The following HOOK3 variants were observed in gnomAD, a reference collection of about 807,000 sequenced individuals.
The protein encoded by HOOK3 is hook microtubule tethering protein 3.
Under a neutral mutation model 116.3 loss-of-function variants are expected in HOOK3, and 24 were observed. The observed-to-expected ratio is 0.21, with a 90% CI of 0.15 to 0.29. HOOK3 has a LOEUF of 0.29. Ranked by LOEUF, HOOK3 falls within the 10% of genes least tolerant of loss-of-function variation. HOOK3 has a pLI of 1.00. For missense variants in HOOK3, 632 were observed against 830.2 expected, an observed-to-expected ratio of 0.76 and a Z score of 2.93; for synonymous variants, 275 against 283.0, an observed-to-expected ratio of 0.97 and a Z score of 0.28.
intron 15 of HOOK3, among the ~76,000 whole-genome samples, chr8:42,989,607 A>G (rs1444047290): frequency 6.6e-6 from 1 of 152,196 alleles, no homozygotes; most frequent in Non-Finnish European, 1.5e-5. Context: ...GTTACGAACA[A>G]TCCCATTATA....
chr8:42,899,478 G>A (rs1245998369), intron 1 of HOOK3, among the ~76,000 whole-genome samples: 2 of 152,152 alleles, frequency 1.3e-5, no homozygotes, highest in African/African-American at 4.8e-5. Flanking sequence ...TAAATGCTGG[G>A]TTTGTTCTCT....
intron 6 of HOOK3, among the ~76,000 whole-genome samples, chr8:42,954,729 T>C (rs1189959815): frequency 6.6e-6 from 1 of 152,200 alleles, no homozygotes; most frequent in East Asian, 1.9e-4. Flanking sequence ...AAGATAGACA[T>C]GGTCTCTTTC....
chr8:42,908,736 T>G (rs1410500507), intron 2 of HOOK3, among the ~76,000 whole-genome samples: 1 of 152,214 alleles, frequency 6.6e-6, no homozygotes, highest in Non-Finnish European at 1.5e-5. Flanking sequence ...GGGGAGAGCT[T>G]CTTGTTATTG....
At position 42,974,080 on chromosome 8, in the gene HOOK3, AC is replaced by A. The variant is rs544432279; in HGVS notation, c.1234-24del. The A allele has an allele frequency of 6.5e-4, 988 of 1,530,190 alleles. 14 individuals carry two copies. The South Asian group carries it at 0.011, about 16-fold the overall frequency. The allele number at this position is 1,530,190 out of a possible 1,614,324, so 94.8% of individuals were successfully genotyped here. ...AATAAATTCTTAAAACGTGAAGCTA[AC>A]CCTCCATGTTTTTGTGTCTCTCCAG... On this transcript the variant is annotated intron_variant, in intron 12 of 21. Transcript: ENST00000307602.
chr8:43,013,465 C>A, intron 21 of HOOK3, 65 bp downstream of exon 21: 4 of 1,272,598 alleles, frequency 3.1e-6, no homozygotes, highest in South Asian at 1.6e-5. Flanking sequence ...TATTATATTC[C>A]CTTTACTGTA....
Position 42,973,315 on chromosome 8 carries a change from C to T in HOOK3, c.1149C>T (p.Ser383=), listed in dbSNP as rs374489492. ...TAGTAGAACTACAAAACAGATTATC[C>T]GAAGAATCAAAGAAAGCAGATAAAC... The part of the protein sequence containing the change: ...RQVVELQNRL[S]EESKKADKLD... The change falls in exon 12 of 22, where the codon TCC becomes TCT. Residue 383 remains serine (S), a synonymous_variant. Transcript: ENST00000307602. The T allele has an allele frequency of 9.9e-6, 16 of 1,610,262 alleles. No individual in the cohort carries two copies. The highest frequency in any genetic ancestry group is 2.2e-5 in the East Asian group (1 of 44,710).
intron 11 of HOOK3, 76 bp from the exon 12 acceptor site, chr8:42,973,213 T>G (rs1200217258): frequency 3.4e-6 from 5 of 1,491,868 alleles, no homozygotes; most frequent in Non-Finnish European, 3.6e-6. Context: ...TTGGTTTTCT[T>G]AAACCTGTAG....
intron 16 of HOOK3, chr8:42,997,996 T>A (rs1809312355): frequency 4.1e-6 from 1 of 242,904 alleles, no homozygotes; most frequent in African/African-American, 2.3e-5. Flanking sequence ...CAAGTAGAAA[T>A]TTTTAATGTA....
chr8:42,939,034 T>TAAAAAAAAA (rs1808035187), intron 4 of HOOK3, among the ~76,000 whole-genome samples: 1 of 152,040 alleles, frequency 6.6e-6, no homozygotes, highest in South Asian at 2.1e-4. Flanking sequence ...GGGTTGGGGG[T>TAAAAAAAAA]AAGGTCACAG....
chr8:43,025,400 A>G lies in HOOK3; in HGVS notation c.*6902A>G, dbSNP rs1420680553. On this transcript the variant is annotated 3_prime_UTR_variant, in exon 22 of 22. Coordinates refer to ENST00000307602, the MANE Select transcript of HOOK3 (RefSeq NM_032410.4). ...GATCATTGGGATAAGAAATAGCCTAATTATAAACAAATATGCAGGCAGAGG... is the reference window on the plus strand; with the variant it reads ...GATCATTGGGATAAGAAATAGCCTAGTTATAAACAAATATGCAGGCAGAGG... The G allele has an allele frequency of 4.7e-6, 1 of 214,046 alleles. No homozygotes were observed. The highest frequency in any genetic ancestry group is 2.3e-5 in the African/African-American group (1 of 44,282). 13.3% of individuals were successfully genotyped at this position (214,046 alleles called of 1,614,324 possible).
chr8:42,994,478 A>T lies in HOOK3; in HGVS notation c.1533-3072A>T, dbSNP rs183732140. ...TCCCTCTTACTACGGCTTTTGCTGT[A>T]TCCCATAGATTTCGGTATGTTGTGT... On this transcript the variant is annotated intron_variant, in intron 15 of 21. Coordinates refer to ENST00000307602, the MANE Select transcript of HOOK3 (RefSeq NM_032410.4). The T allele has an allele frequency of 9.9e-4, 385 of 389,342 alleles. 2 individuals carry two copies. The highest frequency in any genetic ancestry group is 7.9e-3 in the African/African-American group (369 of 46,910). The allele number at this position is 389,342 out of a possible 1,614,324, so 24.1% of individuals were successfully genotyped here. A position where few individuals can be genotyped will look rare whatever the true frequency, so the allele number is the denominator to read the frequency against.
chr8:42,898,738 C>T (rs529984419), intron 1 of HOOK3, among the ~76,000 whole-genome samples: 27 of 152,286 alleles, frequency 1.8e-4, no homozygotes, highest in African/African-American at 6.5e-4. Flanking sequence ...AAGAGGTGTA[C>T]AGAGGCTCCT....
At chr8:42,935,813 G>A (rs1317114476) in intron 4 of HOOK3, among the ~76,000 whole-genome samples, 1 of 152,200 alleles carries the variant, frequency 6.6e-6, no homozygotes, top group East Asian at 1.9e-4. Flanking sequence ...ATAGTTTGAA[G>A]TCAGGTATTG....
At chr8:42,943,097 G>A (rs757176519) in intron 4 of HOOK3, among the ~76,000 whole-genome samples, 4 of 151,230 alleles carry the variant, frequency 2.6e-5, no homozygotes, top group Admixed American at 6.6e-5. Context: ...TTTGCTCGAT[G>A]TACATGCCAC....
intron 4 of HOOK3, among the ~76,000 whole-genome samples, chr8:42,939,730 G>C (rs1272046102): frequency 6.6e-6 from 1 of 150,658 alleles, no homozygotes; most frequent in African/African-American, 2.5e-5. Context: ...CTCAGACGGG[G>C]CGGCTGCCGG....
chr8:42,983,126 A>G (rs1224133515), intron 14 of HOOK3, among the ~76,000 whole-genome samples: 2 of 152,098 alleles, frequency 1.3e-5, no homozygotes, highest in Non-Finnish European at 2.9e-5. Flanking sequence ...CAAGGTCAGG[A>G]GATCGAGACC....
intron 2 of HOOK3, among the ~76,000 whole-genome samples, chr8:42,911,180 G>A (rs530414241): frequency 2.6e-5 from 4 of 152,200 alleles, no homozygotes; most frequent in Admixed American, 6.5e-5. Flanking sequence ...GGTCGGGTGC[G>A]GTGGCTCACG....
intron 1 of HOOK3, among the ~76,000 whole-genome samples, chr8:42,904,513 G>C (rs1052647542): frequency 3.3e-5 from 5 of 151,962 alleles, no homozygotes; most frequent in Middle Eastern, 3.4e-3. Context: ...GGATTTCACT[G>C]TGTTAGTCAG....
At position 43,030,362 on chromosome 8, in the gene HOOK3, TATTA is replaced by T. The variant is rs1810008641; in HGVS notation, c.*11869_*11872del. 1 of 181,304 alleles carries T rather than the reference TATTA, an allele frequency of 5.5e-6. No homozygotes were observed. Among genetic ancestry groups the T allele is most frequent in the Non-Finnish European group, 1.2e-5 (1 of 84,922 alleles). The allele number at this position is 181,304 out of a possible 1,614,324, so 11.2% of individuals were successfully genotyped here. On this transcript the variant is annotated 3_prime_UTR_variant, in exon 22 of 22. Transcript: ENST00000307602. Reference sequence around the variant, plus strand: ...TTTTACGACTGCCAACTTGTTACGGTATTAATTATATGTATGTGTTTATATGTAT... The same window carrying T: ...TTTTACGACTGCCAACTTGTTACGGTATTATATGTATGTGTTTATATGTAT...
Sources: gnomAD v4.1 joint callset for allele counts (sites outside exome capture counted in the v4.1 genomes callset) on GRCh38, gnomAD v4.1.1 for gene constraint, MANE v1.5 for transcripts, NCBI Gene and HGNC (gene_info 2026-07-23, HGNC 2026-07-21) for gene names.